Variants in SYN3 observed in about 807,000 individuals in gnomAD.
The protein encoded by SYN3 is synapsin-3.
SYN3 carries 35 observed loss-of-function variants against 65.8 expected under a neutral mutation model. The ratio of observed to expected loss-of-function variants is 0.53; its 90% CI spans 0.41 to 0.70. The LOEUF is 0.70. Among genes scored for constraint, SYN3 ranks in the 30% least tolerant of loss-of-function variants. The pLI, the probability that SYN3 is intolerant of heterozygous loss-of-function variation, is 0.00. For missense variants in SYN3, 680 were observed against 749.0 expected (o/e 0.91, Z 1.08); for synonymous variants, 270 against 292.9 (o/e 0.92, Z 0.80).
At chr22:32,572,272 C>CTTCCTTCCTTTCCTTCCTTCCTT (rs2058771738) in intron 7 of SYN3, among the ~76,000 whole-genome samples, 1 of 48,626 alleles carries the variant, frequency 2.1e-5, no homozygotes, top group Non-Finnish European at 3.6e-5. Context: ...CCTTCCTTCC[C>CTTCCTTCCTTTCCTTCCTTCCTT]CCCTCCCTCC....
At chr22:32,733,508 G>A (rs1207351561) in intron 6 of SYN3, among the ~76,000 whole-genome samples, 1 of 152,214 alleles carries the variant, frequency 6.6e-6, no homozygotes, top group African/African-American at 2.4e-5. Flanking sequence ...GAGCCCAGGA[G>A]AGTGGTTCCT....
At chr22:32,536,130 G>C (rs1339042515) in intron 9 of SYN3, among the ~76,000 whole-genome samples, 1 of 152,242 alleles carries the variant, frequency 6.6e-6, no homozygotes, top group Non-Finnish European at 1.5e-5. Context: ...AGTGGCTCAG[G>C]AGGCACTGGG....
At chr22:32,648,453 G>A (rs1176852670) in intron 6 of SYN3, among the ~76,000 whole-genome samples, 2 of 152,258 alleles carry the variant, frequency 1.3e-5, no homozygotes, top group Middle Eastern at 3.4e-3. Context: ...AGTATACACA[G>A]TACATAAATA....
intron 6 of SYN3, chr22:32,858,120 C>T (rs779302390): frequency 1.2e-5 from 19 of 1,614,084 alleles, no homozygotes; most frequent in Non-Finnish European, 1.6e-5. Context: ...ATCGGTATCA[C>T]CTGGGTTGTA....
intron 3 of SYN3, among the ~76,000 whole-genome samples, chr22:32,974,911 A>G (rs1024192281): frequency 1.3e-5 from 2 of 152,212 alleles, no homozygotes; most frequent in East Asian, 3.8e-4. Flanking sequence ...GAGATGTTTT[A>G]GGTAAAAAGC....
intron 3 of SYN3, among the ~76,000 whole-genome samples, chr22:32,957,992 G>C (rs2051520661): frequency 6.6e-6 from 1 of 152,194 alleles, no homozygotes; most frequent in South Asian, 2.1e-4. Context: ...GAACCCACCT[G>C]TGGCAAATGC....
chr22:32,945,096 T>C (rs376860791), intron 3 of SYN3, among the ~76,000 whole-genome samples: 1 of 152,122 alleles, frequency 6.6e-6, no homozygotes. Flanking sequence ...GAATCAATAT[T>C]GTGAAAATGG....
chr22:32,780,685 C>T (rs1239433065), intron 6 of SYN3, among the ~76,000 whole-genome samples: 4 of 152,168 alleles, frequency 2.6e-5, no homozygotes, highest in African/African-American at 9.7e-5. Flanking sequence ...GGAATCCTGG[C>T]TCCCTGACTT....
intron 6 of SYN3, among the ~76,000 whole-genome samples, chr22:32,662,372 A>C (rs1013469264): frequency 1.3e-5 from 2 of 152,208 alleles, no homozygotes; most frequent in Non-Finnish European, 2.9e-5. Context: ...AGACGTGTAC[A>C]TACAGCTGCC....
chr22:32,884,613 C>T (rs1304148971), intron 4 of SYN3, among the ~76,000 whole-genome samples: 1 of 152,190 alleles, frequency 6.6e-6, no homozygotes, highest in East Asian at 1.9e-4. Flanking sequence ...GGTGCGGTGG[C>T]TCACTCCTGT....
chr22:32,906,527 A>C (rs1169594654), intron 4 of SYN3, among the ~76,000 whole-genome samples: 1 of 152,144 alleles, frequency 6.6e-6, no homozygotes, highest in Non-Finnish European at 1.5e-5. Context: ...TCTGGGATAC[A>C]TGTGCAGAAT....
intron 6 of SYN3, among the ~76,000 whole-genome samples, chr22:32,692,389 A>G (rs2147161701): frequency 6.6e-6 from 1 of 152,260 alleles, no homozygotes; most frequent in African/African-American, 2.4e-5. Context: ...AGCTCAGAGG[A>G]TGGCCAGCCT....
intron 6 of SYN3, among the ~76,000 whole-genome samples, chr22:32,632,099 T>G (rs1175836172): frequency 2.6e-5 from 4 of 152,224 alleles, no homozygotes; most frequent in African/African-American, 9.6e-5. Context: ...ATTCCTGGAC[T>G]GGGGGCCTCA....
intron 3 of SYN3, among the ~76,000 whole-genome samples, chr22:32,938,531 GAA>G (rs1381175480): frequency 2.8e-5 from 2 of 72,034 alleles, no homozygotes; most frequent in Non-Finnish European, 3.0e-5. Flanking sequence ...CTCTGTCTCA[GAA>G]AAAAAAAAAA....
At chr22:32,590,834 T>A (rs184182850) in intron 7 of SYN3, among the ~76,000 whole-genome samples, 42 of 152,366 alleles carry the variant, frequency 2.8e-4, no homozygotes, top group Admixed American at 2.7e-3. Flanking sequence ...GGCAACCCAG[T>A]CCTCATCTGA....
chr22:32,918,313 A>G (rs994111077), intron 4 of SYN3, among the ~76,000 whole-genome samples: 1 of 152,220 alleles, frequency 6.6e-6, no homozygotes, highest in African/African-American at 2.4e-5. Context: ...TGAATCAGTT[A>G]TAGTACAGGA....
intron 6 of SYN3, among the ~76,000 whole-genome samples, chr22:32,614,305 G>T (rs867216979): frequency 8.5e-5 from 13 of 152,218 alleles, no homozygotes; most frequent in African/African-American, 4.8e-5. Flanking sequence ...TGCAGCCGAT[G>T]GATGTGTGTG....
chr22:32,602,127 G>A (rs565533570), intron 6 of SYN3, among the ~76,000 whole-genome samples: 13 of 152,032 alleles, frequency 8.6e-5, no homozygotes, highest in Non-Finnish European at 1.6e-4. Flanking sequence ...CAATATTAGA[G>A]GTAGAATTTT....
chr22:32,823,578 A>C (rs923904480), intron 6 of SYN3, among the ~76,000 whole-genome samples: 1 of 152,110 alleles, frequency 6.6e-6, no homozygotes, highest in Non-Finnish European at 1.5e-5. Flanking sequence ...CACCAGCAGG[A>C]ATAGCAATTG....
Sources: gnomAD v4.1 joint callset for allele counts (sites outside exome capture counted in the v4.1 genomes callset) on GRCh38, gnomAD v4.1.1 for gene constraint, MANE v1.5 for transcripts, NCBI Gene and HGNC (gene_info 2026-07-23, HGNC 2026-07-21) for gene names.